Variants in DOCK2 observed in about 807,000 individuals in gnomAD.
DOCK2 encodes dedicator of cytokinesis protein 2.
DOCK2 carries 87 observed loss-of-function variants against 248.9 expected under a neutral mutation model. The ratio of observed to expected loss-of-function variants is 0.35; its 90% CI spans 0.29 to 0.42. DOCK2 has a LOEUF of 0.42. Ranked by LOEUF, DOCK2 falls within the 10% of genes least tolerant of loss-of-function variation. DOCK2 has a pLI of 1.00. For synonymous variants in DOCK2, 805 were observed against 821.6 expected (o/e 0.98, Z 0.35); for missense variants, 1,747 against 2,300.2 (o/e 0.76, Z 4.92).
At chr5:169,739,800 G>A (rs1431680284) in intron 22 of DOCK2, among the ~76,000 whole-genome samples, 1 of 152,178 alleles carries the variant, frequency 6.6e-6, no homozygotes, top group Non-Finnish European at 1.5e-5. Flanking sequence ...TACCAACTGG[G>A]CCATAGAGAA....
At chr5:170,064,244 G>T (rs1757422131) in intron 44 of DOCK2, among the ~76,000 whole-genome samples, 1 of 152,008 alleles carries the variant, frequency 6.6e-6, no homozygotes, top group Non-Finnish European at 1.5e-5. Context: ...TGAAGAAACA[G>T]GGTAATATAT....
intron 22 of DOCK2, among the ~76,000 whole-genome samples, chr5:169,745,150 T>A (rs1427540144): frequency 6.6e-6 from 1 of 152,166 alleles, no homozygotes; most frequent in Non-Finnish European, 1.5e-5. Context: ...CTGGTGGCTG[T>A]GGGCACAAAG....
At chr5:169,972,272 A>C (rs1310500071) in intron 27 of DOCK2, among the ~76,000 whole-genome samples, 1 of 152,138 alleles carries the variant, frequency 6.6e-6, no homozygotes, top group African/African-American at 2.4e-5. Flanking sequence ...CCTTACCTAT[A>C]GCATGCATTT....
At chr5:170,040,067 A>G (rs1252595582) in intron 36 of DOCK2, among the ~76,000 whole-genome samples, 1 of 152,226 alleles carries the variant, frequency 6.6e-6, no homozygotes, top group Non-Finnish European at 1.5e-5. Flanking sequence ...GCTACAGGCT[A>G]ATCACTTTCA....
chr5:169,742,761 G>A (rs768959308), intron 22 of DOCK2, among the ~76,000 whole-genome samples: 11 of 152,176 alleles, frequency 7.2e-5, no homozygotes, highest in Non-Finnish European at 1.2e-4. Flanking sequence ...AACATATGGG[G>A]CTCCATTTGC....
intron 26 of DOCK2, among the ~76,000 whole-genome samples, chr5:169,821,274 C>T (rs1768420495): frequency 6.6e-6 from 1 of 152,102 alleles, no homozygotes; most frequent in Non-Finnish European, 1.5e-5. Flanking sequence ...GAGAACGCCA[C>T]AAAGATACTC....
intron 22 of DOCK2, among the ~76,000 whole-genome samples, chr5:169,736,312 G>T (rs1763039188): frequency 6.6e-6 from 1 of 152,210 alleles, no homozygotes. Context: ...AGCTGGGTCA[G>T]CAGGGTCTGG....
At position 170,047,650 on chromosome 5, in the gene DOCK2, C is replaced by T. The variant is rs774349662; in HGVS notation, c.4071+36C>T. On this transcript the variant is annotated intron_variant, in intron 40 of 51. Coordinates refer to ENST00000520908, the MANE Select transcript of DOCK2 (RefSeq NM_004946.3). ...GGGTGACTTGGACACCAGGCGAGAGCCCCAGGGCCTCGGCATCTCAGCGGT... is the reference window on the plus strand; with the variant it reads ...GGGTGACTTGGACACCAGGCGAGAGTCCCAGGGCCTCGGCATCTCAGCGGT... The T allele has an allele frequency of 5.1e-6, 8 of 1,582,202 alleles. No individual in the cohort carries two copies. The Middle Eastern group carries it at 1.2e-3, about 231-fold the overall frequency.
intron 27 of DOCK2, among the ~76,000 whole-genome samples, chr5:169,923,990 G>A (rs931228829): frequency 1.3e-5 from 2 of 152,342 alleles, no homozygotes; most frequent in East Asian, 1.9e-4. Flanking sequence ...GATTAATAAC[G>A]TTTATCATTC....
At chr5:169,908,713 C>CTTTTTTTTT (rs34261104) in intron 27 of DOCK2, among the ~76,000 whole-genome samples, 6 of 105,068 alleles carry the variant, frequency 5.7e-5, no homozygotes, top group Non-Finnish European at 9.3e-5. Context: ...TTTCTTTTTT[C>CTTTTTTTTT]TTTTTTTTTT....
intron 30 of DOCK2, among the ~76,000 whole-genome samples, chr5:170,006,611 G>A (rs112319078): frequency 7.9e-5 from 12 of 152,326 alleles, no homozygotes; most frequent in African/African-American, 2.9e-4. Flanking sequence ...GAGCCAAGAG[G>A]CCACTTCACT....
intron 25 of DOCK2, among the ~76,000 whole-genome samples, chr5:169,782,883 C>T (rs1436724179): frequency 1.3e-5 from 2 of 152,190 alleles, no homozygotes; most frequent in African/African-American, 4.8e-5. Context: ...GTTGGAGCCA[C>T]ATTTTTGATG....
chr5:169,637,440 G>A, intron 1 of DOCK2, 71 bp downstream of exon 1: 1 of 1,288,444 alleles, frequency 7.8e-7, no homozygotes. Flanking sequence ...GGAGGATGCT[G>A]CGGGGCCGGC....
chr5:169,696,908 T>C (rs1373314395), intron 10 of DOCK2, among the ~76,000 whole-genome samples: 2 of 152,098 alleles, frequency 1.3e-5, no homozygotes, highest in Non-Finnish European at 2.9e-5. Context: ...GCCTTAGTTT[T>C]ATTATGTGCA....
At chr5:169,951,149 A>G (rs1776648876) in intron 27 of DOCK2, among the ~76,000 whole-genome samples, 1 of 151,730 alleles carries the variant, frequency 6.6e-6, no homozygotes, top group African/African-American at 2.4e-5. Flanking sequence ...TGTCATTCTC[A>G]CTCTTGCAGG....
At chr5:169,786,972 C>A (rs1561694811) in intron 25 of DOCK2, among the ~76,000 whole-genome samples, 1 of 152,110 alleles carries the variant, frequency 6.6e-6, no homozygotes. Context: ...ATAACAGTAG[C>A]TTATACTTTT....
chr5:169,995,985 C>A (rs1754612554), intron 29 of DOCK2, 101 bp from the exon 30 acceptor site: 1 of 1,268,586 alleles, frequency 7.9e-7, no homozygotes, highest in Non-Finnish European at 1.1e-6. Flanking sequence ...GGCCTTTGAG[C>A]CTCTCTCCAA....
In DOCK2 at chr5:169,688,353, C is replaced by T. The variant is rs555436777; in HGVS notation, c.762-899C>T. 2.0e-5 allele frequency among the ~76,000 whole-genome samples: 3 copies of T among 152,314 alleles called. No individual in the cohort carries two copies. In the East Asian group the frequency reaches 5.8e-4, roughly 29 times the overall value. ...TGACCAACTTTATTTCATGTCATTT[C>T]CTCAGCAAAGACTTCCTTGACCACC... On this transcript the variant is annotated intron_variant, in intron 8 of 51. Coordinates refer to ENST00000520908, the MANE Select transcript of DOCK2 (RefSeq NM_004946.3).
intron 27 of DOCK2, among the ~76,000 whole-genome samples, chr5:169,948,370 G>A (rs567638309): frequency 5.3e-5 from 8 of 152,178 alleles, no homozygotes; most frequent in African/African-American, 1.7e-4. Flanking sequence ...GAGATGGGTA[G>A]GGGGAGAATG....
Sources: allele counts gnomAD v4.1 joint callset (sites outside exome capture counted in the v4.1 genomes callset), GRCh38; gene constraint gnomAD v4.1.1; transcripts MANE v1.5; gene names NCBI Gene and HGNC (gene_info 2026-07-23, HGNC 2026-07-21).